Variants in TRDN observed in about 807,000 individuals in gnomAD.
The protein encoded by TRDN is triadin in skeletal muscle.
TRDN carries 161 observed loss-of-function variants against 149.7 expected under a neutral mutation model. The ratio of observed to expected loss-of-function variants is 1.08; its 90% CI spans 0.95 to 1.23. The LOEUF (loss-of-function observed/expected upper bound fraction) is 1.23, where lower values mean the gene tolerates loss of function less well. Ranked by LOEUF, TRDN falls within the 50% of genes most tolerant of loss-of-function variation. TRDN has a pLI of 0.00. For synonymous variants in TRDN, 294 were observed against 250.5 expected, an observed-to-expected ratio of 1.17 and a Z score of -1.64; for missense variants, 896 against 823.5, an observed-to-expected ratio of 1.09 and a Z score of -1.08.
chr6:123,584,270 G>A (rs912915032), intron 1 of TRDN, among the ~76,000 whole-genome samples: 4 of 152,188 alleles, frequency 2.6e-5, no homozygotes, highest in Non-Finnish European at 5.9e-5. Flanking sequence ...ATATGCGTCA[G>A]ATATGAGGAA....
At chr6:123,508,459 C>A (rs1203731755) in intron 7 of TRDN, among the ~76,000 whole-genome samples, 1 of 152,126 alleles carries the variant, frequency 6.6e-6, no homozygotes, top group East Asian at 1.9e-4. Flanking sequence ...GCAGCAATAA[C>A]CTCTGCCACA....
intron 4 of TRDN, among the ~76,000 whole-genome samples, chr6:123,532,688 T>C (rs1474413221): frequency 6.6e-6 from 1 of 151,938 alleles, no homozygotes; most frequent in Non-Finnish European, 1.5e-5. Context: ...CTTCTACTGG[T>C]TCTACTTCTC....
intron 1 of TRDN, among the ~76,000 whole-genome samples, chr6:123,625,225 G>A (rs1785592668): frequency 6.6e-6 from 1 of 152,038 alleles, no homozygotes; most frequent in South Asian, 2.1e-4. Context: ...TTTTCAGCAA[G>A]TTTCAAAGTG....
At chr6:123,393,775 A>G in intron 12 of TRDN, 98 bp from the exon 13 acceptor site, 1 of 1,187,708 alleles carries the variant, frequency 8.4e-7, no homozygotes, top group South Asian at 1.5e-5. Context: ...ACGAGCATAA[A>G]AAGTGTTGCT....
chr6:123,384,243 A>G (rs1781824642), intron 14 of TRDN, among the ~76,000 whole-genome samples: 1 of 152,174 alleles, frequency 6.6e-6, no homozygotes, highest in Admixed American at 6.5e-5. Context: ...TAAGAATCTT[A>G]TAACACAACA....
chr6:123,288,029 A>AC (rs5879669), intron 24 of TRDN, among the ~76,000 whole-genome samples: 28,085 of 151,834 alleles, frequency 0.18, 3,416 homozygotes, highest in East Asian at 0.62. Flanking sequence ...TTCCATTTAT[A>AC]CCCTATTATG....
chr6:123,378,216 T>C (rs1781583300), intron 16 of TRDN, among the ~76,000 whole-genome samples: 1 of 152,146 alleles, frequency 6.6e-6, no homozygotes, highest in Non-Finnish European at 1.5e-5. Context: ...TTATATTAGA[T>C]CAATATGAAA....
rs78012464 is a variant in TRDN, at chr6:123,261,805, C to A, written c.1805-1167G>T. Among the ~76,000 whole-genome samples the A allele has an allele frequency of 4.6e-3, 691 of 151,828 alleles. 26 individuals are homozygous for A. In the South Asian group the frequency reaches 0.077, roughly 17 times the overall value. On this transcript the variant is annotated intron_variant, in intron 33 of 40. Coordinates refer to ENST00000334268, the MANE Select transcript of TRDN (RefSeq NM_006073.4). ...AGCATTCTAGTTTTGACTTCCAACC[C>A]TTAATTTTGGCAATAGTGTTCATAT...
intron 12 of TRDN, among the ~76,000 whole-genome samples, chr6:123,434,382 A>G (rs1319887833): frequency 6.6e-6 from 1 of 152,186 alleles, no homozygotes; most frequent in African/African-American, 2.4e-5. Context: ...GAGCAGATGA[A>G]TGATTTGGCA....
At chr6:123,366,068 A>G (rs1781087868) in intron 20 of TRDN, 67 bp downstream of exon 20, 2 of 1,397,022 alleles carry the variant, frequency 1.4e-6, no homozygotes, top group African/African-American at 2.9e-5. Flanking sequence ...ACAAAACAAT[A>G]CATTGTTAGA....
chr6:123,634,031 C>A (rs1786156157), intron 1 of TRDN, among the ~76,000 whole-genome samples: 1 of 152,008 alleles, frequency 6.6e-6, no homozygotes, highest in South Asian at 2.1e-4. Context: ...TTAAGTGCCA[C>A]AAACTGTTTT....
chr6:123,274,254 C>T (rs1379284314), intron 27 of TRDN, among the ~76,000 whole-genome samples: 1 of 151,972 alleles, frequency 6.6e-6, no homozygotes, highest in Non-Finnish European at 1.5e-5. Context: ...CCACAATAGT[C>T]TATAACTTTA....
At chr6:123,521,647 T>C (rs573955570) in intron 5 of TRDN, among the ~76,000 whole-genome samples, 1 of 152,216 alleles carries the variant, frequency 6.6e-6, no homozygotes, top group African/African-American at 2.4e-5. Context: ...TAGTAATAAT[T>C]AGACTTCTGT....
intron 8 of TRDN, chr6:123,503,454 TTATA>T: frequency 4.1e-6 from 4 of 985,286 alleles, no homozygotes; most frequent in Non-Finnish European, 4.8e-6. Flanking sequence ...TCCCCAATCT[TTATA>T]TGATTTCGGA....
intron 22 of TRDN, among the ~76,000 whole-genome samples, chr6:123,336,148 C>G (rs975969854): frequency 6.6e-6 from 1 of 151,866 alleles, no homozygotes; most frequent in Non-Finnish European, 1.5e-5. Context: ...AAGGTCTACA[C>G]TCAAAGCAAA....
intron 18 of TRDN, 105 bp downstream of exon 18, chr6:123,377,611 A>G (rs1781557255): frequency 7.5e-7 from 1 of 1,327,358 alleles, no homozygotes; most frequent in African/African-American, 1.5e-5. Flanking sequence ...AGATGGAAGC[A>G]TTCCCCACCC....
At chr6:123,439,395 T>G (rs1184854440) in intron 10 of TRDN, among the ~76,000 whole-genome samples, 2 of 152,222 alleles carry the variant, frequency 1.3e-5, no homozygotes, top group South Asian at 2.1e-4. Context: ...GAATTAATAT[T>G]TGTTTTCTTT....
intron 2 of TRDN, among the ~76,000 whole-genome samples, chr6:123,561,099 C>G (rs182350433): frequency 2.6e-5 from 4 of 152,250 alleles, no homozygotes; most frequent in African/African-American, 9.6e-5. Flanking sequence ...TGGGTAGAGG[C>G]CTTTCCCACA....
chr6:123,367,861 T>TC (rs1208145681), intron 19 of TRDN, among the ~76,000 whole-genome samples: 1 of 152,178 alleles, frequency 6.6e-6, no homozygotes, highest in Admixed American at 6.5e-5. Flanking sequence ...TCAAGACTAT[T>TC]CCTACTGTGA....
Sources: allele counts gnomAD v4.1 joint callset (sites outside exome capture counted in the v4.1 genomes callset), GRCh38; gene constraint gnomAD v4.1.1; transcripts MANE v1.5; gene names NCBI Gene and HGNC (gene_info 2026-07-23, HGNC 2026-07-21).